The following NTRK3 variants were observed in gnomAD, a reference collection of about 807,000 sequenced individuals.
The protein encoded by NTRK3 is NT-3 growth factor receptor.
A neutral mutation model predicts 91.7 loss-of-function variants in NTRK3; 24 were observed. The observed-to-expected ratio is 0.26, with a 90% CI of 0.19 to 0.37. The LOEUF (loss-of-function observed/expected upper bound fraction) is 0.37. Ranked by LOEUF, NTRK3 falls within the 10% of genes least tolerant of loss-of-function variation. NTRK3 has a pLI of 1.00. For missense variants in NTRK3, 880 were observed against 1,068.9 expected (o/e 0.82, Z 2.46); for synonymous variants, 483 against 404.0 (o/e 1.20, Z -2.34).
At chr15:88,052,620 T>C (rs951702729) in intron 13 of NTRK3, among the ~76,000 whole-genome samples, 2 of 152,216 alleles carry the variant, frequency 1.3e-5, no homozygotes, top group Non-Finnish European at 2.9e-5. Context: ...TTAATGCTGA[T>C]TGTAATCACT....
chr15:87,862,479 G>A (rs567660769), exon 19 of NTRK3: 1 of 228,010 alleles, frequency 4.4e-6, no homozygotes. Context: ...CAAAATGGAG[G>A]TTTTCTAACA....
At chr15:88,145,090 A>T (rs1401387768) in intron 6 of NTRK3, among the ~76,000 whole-genome samples, 2 of 152,100 alleles carry the variant, frequency 1.3e-5, no homozygotes, top group Non-Finnish European at 2.9e-5. Context: ...CCCAGCCCAC[A>T]GGCTCCATCG....
At chr15:87,923,516 A>G (rs976672023) in intron 17 of NTRK3, among the ~76,000 whole-genome samples, 2 of 152,174 alleles carry the variant, frequency 1.3e-5, no homozygotes, top group African/African-American at 4.8e-5. Flanking sequence ...ACCTACTCAT[A>G]CTGTTAGATG....
At chr15:87,867,944 G>A (rs1174555512) in exon 19 of NTRK3, 9 of 228,582 alleles carry the variant, frequency 3.9e-5, no homozygotes, top group Non-Finnish European at 7.8e-5. Context: ...AACTCAAGAT[G>A]TAGTCTCCCT....
intron 17 of NTRK3, among the ~76,000 whole-genome samples, chr15:87,885,452 T>A (rs986499177): frequency 6.6e-6 from 1 of 151,872 alleles, no homozygotes; most frequent in African/African-American, 2.4e-5. Flanking sequence ...AACTAAGATA[T>A]ACTTGAAATA....
chr15:88,101,252 A>G (rs1467428222), intron 13 of NTRK3, among the ~76,000 whole-genome samples: 1 of 152,262 alleles, frequency 6.6e-6, no homozygotes, highest in Non-Finnish European at 1.5e-5. Context: ...TGCAACCAAA[A>G]GACACATGAA....
chr15:88,256,093 C>G (rs200822610), exon 3 of NTRK3: 3 of 1,611,938 alleles, frequency 1.9e-6, no homozygotes, highest in African/African-American at 1.3e-5. Flanking sequence ...TCCAGCCAGA[C>G]GCTTCCCAGC....
At chr15:88,216,734 G>C (rs1006700209) in intron 3 of NTRK3, among the ~76,000 whole-genome samples, 21 of 152,114 alleles carry the variant, frequency 1.4e-4, no homozygotes, top group African/African-American at 4.8e-4. Flanking sequence ...CTCCTCTTAG[G>C]GGAGCCCAGC....
At chr15:88,221,760 G>A (rs950443855) in intron 3 of NTRK3, among the ~76,000 whole-genome samples, 2 of 152,242 alleles carry the variant, frequency 1.3e-5, no homozygotes, top group African/African-American at 4.8e-5. Context: ...ACGGGTGAAT[G>A]GGGAGGTGGG....
intron 13 of NTRK3, among the ~76,000 whole-genome samples, chr15:88,101,276 T>C (rs1434496240): frequency 6.6e-6 from 1 of 152,214 alleles, no homozygotes; most frequent in Non-Finnish European, 1.5e-5. Context: ...ATGCTCATCA[T>C]CACTGGCCAT....
chr15:88,176,367 C>T (rs1016712326), intron 5 of NTRK3, among the ~76,000 whole-genome samples: 1 of 152,158 alleles, frequency 6.6e-6, no homozygotes, highest in African/African-American at 2.4e-5. Context: ...GATCTCTTGA[C>T]CTCATCATCC....
At chr15:87,999,051 G>T (rs1282658718) in intron 14 of NTRK3, among the ~76,000 whole-genome samples, 1 of 152,142 alleles carries the variant, frequency 6.6e-6, no homozygotes, top group African/African-American at 2.4e-5. Context: ...TCTGCCCAGG[G>T]TATGAAAGGC....
intron 7 of NTRK3, among the ~76,000 whole-genome samples, chr15:88,136,826 T>A (rs926122982): frequency 6.6e-6 from 1 of 152,180 alleles, no homozygotes; most frequent in East Asian, 1.9e-4. Context: ...AGTTGCAGTC[T>A]CCCACATTGC....
intron 13 of NTRK3, among the ~76,000 whole-genome samples, chr15:88,050,217 C>T (rs769787962): frequency 6.6e-6 from 1 of 152,086 alleles, no homozygotes; most frequent in Admixed American, 6.6e-5. Context: ...GGCATGAATT[C>T]AAAGGCACGT....
At chr15:88,162,766 A>G (rs1256135883) in intron 5 of NTRK3, among the ~76,000 whole-genome samples, 1 of 152,190 alleles carries the variant, frequency 6.6e-6, no homozygotes, top group East Asian at 1.9e-4. Flanking sequence ...GGCTTTATCT[A>G]TGCAACGCCC....
intron 17 of NTRK3, chr15:87,928,977 T>C: frequency 4.7e-6 from 3 of 640,106 alleles, no homozygotes; most frequent in Non-Finnish European, 5.5e-6. Context: ...TTCAGTTAAA[T>C]GTCCAAGAAG....
At chr15:88,158,161 G>C (rs1486919299) in intron 5 of NTRK3, among the ~76,000 whole-genome samples, 1 of 152,174 alleles carries the variant, frequency 6.6e-6, no homozygotes, top group Non-Finnish European at 1.5e-5. Context: ...GATTAAATGG[G>C]GTATGGACGG....
At chr15:87,960,577 C>G (rs2072171346) in intron 14 of NTRK3, among the ~76,000 whole-genome samples, 1 of 152,002 alleles carries the variant, frequency 6.6e-6, no homozygotes, top group Admixed American at 6.6e-5. Flanking sequence ...CTCTGCCTCC[C>G]AGGTTCAAGG....
intron 14 of NTRK3, among the ~76,000 whole-genome samples, chr15:88,011,218 T>C (rs1226587768): frequency 1.3e-5 from 2 of 152,168 alleles, no homozygotes; most frequent in Non-Finnish European, 2.9e-5. Context: ...CACCTTTGTA[T>C]CTGTTGTTCC....
Sources: allele counts gnomAD v4.1 joint callset (sites outside exome capture counted in the v4.1 genomes callset), GRCh38; gene constraint gnomAD v4.1.1; transcripts MANE v1.5; gene names NCBI Gene and HGNC (gene_info 2026-07-23, HGNC 2026-07-21).